Variants in NFATC2 observed in about 807,000 individuals in gnomAD.
NFATC2 encodes nuclear factor of activated T cells 2, also known as nuclear factor of activated T-cells, cytoplasmic 2.
A neutral mutation model predicts 87.3 loss-of-function variants in NFATC2; 22 were observed. The observed-to-expected ratio is 0.25, with a 90% CI of 0.18 to 0.36. The LOEUF (loss-of-function observed/expected upper bound fraction) is 0.36. NFATC2 is among the 10% of genes least tolerant of loss of function. The probability of loss-of-function intolerance (pLI) is 1.00; values close to 1 mark genes in which losing one functional copy is unlikely to be tolerated. For missense variants in NFATC2, 1,149 were observed against 1,259.1 expected (o/e 0.91, Z 1.32); for synonymous variants, 565 against 542.2 (o/e 1.04, Z -0.58).
At chr20:51,479,787 C>A (rs1041453803) in intron 3 of NFATC2, among the ~76,000 whole-genome samples, 39 of 152,276 alleles carry the variant, frequency 2.6e-4, no homozygotes, top group African/African-American at 9.1e-4. Flanking sequence ...TAAGGTCTGG[C>A]AACTTGTCCC....
intron 1 of NFATC2, among the ~76,000 whole-genome samples, chr20:51,550,192 A>G (rs2076921190): frequency 6.6e-6 from 1 of 152,130 alleles, no homozygotes; most frequent in African/African-American, 2.4e-5. Context: ...AAAAATAAAA[A>G]TACATTAGCC....
intron 9 of NFATC2, among the ~76,000 whole-genome samples, chr20:51,408,991 G>T (rs189382813): frequency 1.3e-5 from 2 of 152,290 alleles, no homozygotes; most frequent in East Asian, 3.9e-4. Context: ...TTTCAGAAAA[G>T]AAATTTAACT....
At chr20:51,461,382 C>T (rs228842) in intron 5 of NFATC2, among the ~76,000 whole-genome samples, 74,915 of 152,094 alleles carry the variant, frequency 0.49, 20,442 homozygotes, top group South Asian at 0.62. Flanking sequence ...TCTTTGAGGG[C>T]CTGGCTCAGG....
chr20:51,428,355 G>A (rs1304849600), intron 9 of NFATC2, among the ~76,000 whole-genome samples: 1 of 152,210 alleles, frequency 6.6e-6, no homozygotes, highest in Admixed American at 6.5e-5. Context: ...GGTGGGTGGA[G>A]AAACACGGGG....
chr20:51,515,685 T>TA (rs11481096), intron 3 of NFATC2, among the ~76,000 whole-genome samples: 61,908 of 144,306 alleles, frequency 0.43, 13,428 homozygotes, highest in South Asian at 0.5. Flanking sequence ...GTGTCTGATT[T>TA]AAAAAAAAAA....
chr20:51,503,900 G>C (rs1436698918), intron 3 of NFATC2, among the ~76,000 whole-genome samples: 2 of 152,060 alleles, frequency 1.3e-5, no homozygotes, highest in African/African-American at 4.8e-5. Context: ...CTGGAGTGCA[G>C]TGGTGCAATC....
chr20:51,402,587 A>T (rs548724941), intron 9 of NFATC2, among the ~76,000 whole-genome samples: 1 of 152,376 alleles, frequency 6.6e-6, no homozygotes, highest in Admixed American at 6.5e-5. Flanking sequence ...AAATGAGATA[A>T]TAAAATAAAT....
chr20:51,406,233 T>C (rs1296594699), intron 9 of NFATC2, among the ~76,000 whole-genome samples: 1 of 152,208 alleles, frequency 6.6e-6, no homozygotes, highest in Non-Finnish European at 1.5e-5. Flanking sequence ...TACTTGTAGA[T>C]AGAAATTCGT....
At chr20:51,556,394 C>T (rs756677733) in intron 1 of NFATC2, among the ~76,000 whole-genome samples, 5 of 152,182 alleles carry the variant, frequency 3.3e-5, no homozygotes, top group East Asian at 1.9e-4. Flanking sequence ...TCCTTTTAAC[C>T]GTAACAATGG....
At chr20:51,533,126 C>A (rs2076662927) in intron 1 of NFATC2, among the ~76,000 whole-genome samples, 1 of 152,252 alleles carries the variant, frequency 6.6e-6, no homozygotes, top group South Asian at 2.1e-4. Context: ...GAAAGGGGAG[C>A]AGACAGAGAG....
At chr20:51,474,963 C>CTTTTTTTTTTTTTTTTTTTTT (rs1387504137) in intron 4 of NFATC2, among the ~76,000 whole-genome samples, 1 of 147,162 alleles carries the variant, frequency 6.8e-6, no homozygotes, top group Non-Finnish European at 1.5e-5. Flanking sequence ...ACATATTATA[C>CTTTTTTTTTTTTTTTTTTTTT]TTTATTTATT....
chr20:51,498,974 C>A (rs1401365550), intron 3 of NFATC2, among the ~76,000 whole-genome samples: 3 of 151,994 alleles, frequency 2.0e-5, no homozygotes, highest in African/African-American at 7.3e-5. Flanking sequence ...GAGGCAGGAG[C>A]CTACCTGGAG....
chr20:51,490,634 T>C (rs1322422632), intron 3 of NFATC2, among the ~76,000 whole-genome samples: 1 of 152,116 alleles, frequency 6.6e-6, no homozygotes, highest in Non-Finnish European at 1.5e-5. Flanking sequence ...TGTGCATAAA[T>C]ACACAATGAA....
chr20:51,500,300 A>C (rs1306674695), intron 3 of NFATC2, among the ~76,000 whole-genome samples: 1 of 152,096 alleles, frequency 6.6e-6, no homozygotes, highest in Non-Finnish European at 1.5e-5. Context: ...CAAACTCTTT[A>C]AAAAAAATTT....
intron 9 of NFATC2, among the ~76,000 whole-genome samples, chr20:51,425,370 G>A (rs759959726): frequency 1.3e-5 from 2 of 152,232 alleles, no homozygotes; most frequent in African/African-American, 2.4e-5. Context: ...GGTTTCTGGT[G>A]GTTACTGGTG....
intron 1 of NFATC2, 147 bp downstream of exon 1, chr20:51,542,223 C>T: frequency 9.9e-7 from 1 of 1,012,590 alleles, no homozygotes; most frequent in Non-Finnish European, 1.4e-6. Flanking sequence ...ACTGACGCCT[C>T]CCCTCCCTGG....
At chr20:51,531,931 T>C (rs899509379) in intron 1 of NFATC2, among the ~76,000 whole-genome samples, 61 of 152,332 alleles carry the variant, frequency 4.0e-4, no homozygotes, top group African/African-American at 1.4e-3. Context: ...AGGAATTCTC[T>C]TTTTACCTCA....
intron 1 of NFATC2, among the ~76,000 whole-genome samples, chr20:51,561,480 A>AAAGAAAGG (rs2077029210): frequency 9.0e-6 from 1 of 111,194 alleles, no homozygotes; most frequent in Non-Finnish European, 1.8e-5. Context: ...AGAAAGAAAG[A>AAAGAAAGG]AAGAAAGCAA....
At chr20:51,517,057 A>G in intron 2 of NFATC2, 102 bp from the exon 3 acceptor site, 2 of 1,163,708 alleles carry the variant, frequency 1.7e-6, no homozygotes, top group Non-Finnish European at 2.4e-6. Context: ...GGATACAGTC[A>G]TGTATTGCTC....
Sources: allele counts gnomAD v4.1 joint callset (sites outside exome capture counted in the v4.1 genomes callset), GRCh38; gene constraint gnomAD v4.1.1; transcripts MANE v1.5; gene names NCBI Gene and HGNC (gene_info 2026-07-23, HGNC 2026-07-21).